Variants in SPINT1 observed in about 807,000 individuals in gnomAD.
SPINT1 encodes the protein serine peptidase inhibitor, Kunitz type 1.
SPINT1 carries 38 observed loss-of-function variants against 53.7 expected under a neutral mutation model. The ratio of observed to expected loss-of-function variants is 0.71; its 90% CI spans 0.55 to 0.93. SPINT1 has a LOEUF of 0.93. SPINT1 is among the 40% of genes least tolerant of loss of function. The pLI, the probability that SPINT1 is intolerant of heterozygous loss-of-function variation, is 0.00. For synonymous variants in SPINT1, 283 were observed against 280.6 expected (o/e 1.01, Z -0.08); for missense variants, 645 against 692.9 (o/e 0.93, Z 0.78).
intron 2 of SPINT1, among the ~76,000 whole-genome samples, chr15:40,852,531 C>T (rs529803091): frequency 4.6e-5 from 7 of 152,106 alleles, no homozygotes; most frequent in East Asian, 3.9e-4. Flanking sequence ...CAAGGAAGGG[C>T]GTGGCTCCCG....
At position 40,844,523 on chromosome 15, in the gene SPINT1, C is replaced by T. The variant is rs772897453; in HGVS notation, c.-32C>T. 3.7e-6 allele frequency: 6 copies of T among 1,604,082 alleles called. No homozygotes were observed. The highest frequency in any genetic ancestry group is 5.1e-6 in the Non-Finnish European group (6 of 1,173,616). The stretch of plus-strand genomic sequence containing the variant: ...CACCCTCGGAACCCAGAGGCCCGCG[C>T]TCTGAAGGTGACCCCCCTGGGGAGG... On this transcript the variant is annotated 5_prime_UTR_variant, in exon 2 of 11. Transcript: ENST00000562057. The surrounding 1 kb of genome is among the most constrained non-coding windows in gnomAD (Gnocchi z 5.8).
intron 5 of SPINT1, 41 bp from the exon 6 acceptor site, chr15:40,854,019 G>A: frequency 6.4e-7 from 1 of 1,570,918 alleles, no homozygotes. Context: ...CCCCACTGGA[G>A]CCTGGTCATG....
At chr15:40,855,816 C>T (rs1891615344) in intron 8 of SPINT1, 76 bp from the exon 9 acceptor site, 1 of 1,510,310 alleles carries the variant, frequency 6.6e-7, no homozygotes, top group Non-Finnish European at 9.0e-7. Context: ...TGCTGGGCAG[C>T]AGCCACGTGG....
chr15:40,846,457 A>G (rs890344531), intron 2 of SPINT1, among the ~76,000 whole-genome samples: 116 of 152,336 alleles, frequency 7.6e-4, no homozygotes, highest in African/African-American at 2.7e-3. Flanking sequence ...TTAGATTAGG[A>G]AACTAAGACT....
chr15:40,850,906 C>A (rs1458389367), intron 2 of SPINT1, among the ~76,000 whole-genome samples: 1 of 152,196 alleles, frequency 6.6e-6, no homozygotes, highest in African/African-American at 2.4e-5. Context: ...ACTCCTGGAC[C>A]TCTGTCATGT....
chr15:40,853,194 G>A lies in SPINT1; in HGVS notation c.546G>A (p.Lys182=), dbSNP rs763597848. 2 of 1,614,230 alleles carry A rather than the reference G, an allele frequency of 1.2e-6. No homozygotes were observed. The highest frequency in any genetic ancestry group is 1.7e-6 in the Non-Finnish European group (2 of 1,180,030). ...AACCCCAGGAACCCCTGGTGCTGAA[G>A]GATGTGGAAAACACAGATTGGCGCC... ...KVQPQEPLVL[K]DVENTDWRLL... The change falls in exon 3 of 11, where the codon AAG becomes AAA. Residue 182 remains lysine, a synonymous_variant. Transcript: ENST00000562057.
At chr15:40,856,607 T>C (rs1400108615) in intron 10 of SPINT1, among the ~76,000 whole-genome samples, 163 bp from the exon 11 acceptor site, 1 of 152,166 alleles carries the variant, frequency 6.6e-6, no homozygotes, top group African/African-American at 2.4e-5. Flanking sequence ...TCTGAGCTCC[T>C]GGACAGAGCT....
chr15:40,849,849 G>A (rs905964227), intron 2 of SPINT1, among the ~76,000 whole-genome samples: 1 of 81,866 alleles, frequency 1.2e-5, no homozygotes, highest in Non-Finnish European at 3.7e-5. Flanking sequence ...GACTCCAGGG[G>A]TCAATAAACT....
At chr15:40,846,558 G>C (rs566229802) in intron 2 of SPINT1, among the ~76,000 whole-genome samples, 47 of 152,288 alleles carry the variant, frequency 3.1e-4, no homozygotes, top group African/African-American at 1.1e-3. Flanking sequence ...AAAGTCCTGT[G>C]CTGTTTTTCA....
In SPINT1 at chr15:40,856,286, G is replaced by C; in HGVS notation, c.1299G>C (p.Val433=). The C allele has an allele frequency of 6.2e-7, 1 of 1,614,184 alleles. No homozygotes were observed. Among genetic ancestry groups the C allele is most frequent in the Non-Finnish European group, 8.5e-7 (1 of 1,180,026 alleles). The change falls in exon 10 of 11, where the codon GTG becomes GTC. Residue 433 remains valine, a synonymous_variant. Transcript: ENST00000562057. Reference sequence around the variant, plus strand: ...CTCATCATTCTGCAGAGAAGGATGTGTTTGGCCTGAGGCGGGAAATCCCCA... The same window carrying C: ...CTCATCATTCTGCAGAGAAGGATGTCTTTGGCCTGAGGCGGGAAATCCCCA... The part of the protein sequence containing the change: ...ESCRGISKKD[V]FGLRREIPIP...
intron 3 of SPINT1, 103 bp downstream of exon 3, chr15:40,853,354 T>G (rs1012903349): frequency 1.3e-6 from 2 of 1,599,750 alleles, no homozygotes; most frequent in African/African-American, 2.7e-5. Flanking sequence ...TGGGATGGGG[T>G]GGAGAGAGGC....
intron 9 of SPINT1, 82 bp from the exon 10 acceptor site, chr15:40,856,194 A>G (rs1891636096): frequency 1.3e-6 from 2 of 1,598,402 alleles, no homozygotes; most frequent in Non-Finnish European, 1.7e-6. Flanking sequence ...AGAGGATGCC[A>G]GTGTGAGGTC....
At position 40,846,878 on chromosome 15, in the gene SPINT1, C is replaced by T. The variant is rs78643367; in HGVS notation, c.475+1849C>T. ...CATATCTGAGGGCCAGTCTGGGCCA[C>T]CAAGTCCCACTGAACCAGGGCTGCA... On this transcript the variant is annotated intron_variant, in intron 2 of 10. Coordinates refer to ENST00000562057, the MANE Select transcript of SPINT1 (RefSeq NM_003710.4). Among the ~76,000 whole-genome samples, 1,988 of 152,282 alleles carry T rather than the reference C, an allele frequency of 0.013. 100 individuals are homozygous for T. The East Asian group carries it at 0.17, about 13-fold the overall frequency.
chr15:40,852,277 T>G (rs1030059413), intron 2 of SPINT1, among the ~76,000 whole-genome samples: 1 of 152,238 alleles, frequency 6.6e-6, no homozygotes, highest in African/African-American at 2.4e-5. Context: ...AAAGATACTT[T>G]GTCGTTGGAT....
At chr15:40,854,546 G>A (rs779158560) in intron 7 of SPINT1, 24 bp downstream of exon 7, 3 of 1,613,702 alleles carry the variant, frequency 1.9e-6, no homozygotes, top group East Asian at 2.2e-5. Context: ...GATAGAGGGG[G>A]TTGGGCAGCA....
In SPINT1 at chr15:40,852,987, A is replaced by G. The variant is rs572926145; in HGVS notation, c.476-137A>G. ...GAAGCTGGTTCTGTTGGGGGCTCCC[A>G]CCCGCACCCCATGCAGGCTGTGGAG... On this transcript the variant is annotated intron_variant, in intron 2 of 10. Coordinates refer to ENST00000562057, the MANE Select transcript of SPINT1 (RefSeq NM_003710.4). 3.6e-6 allele frequency: 4 copies of G among 1,096,244 alleles called. No individual in the cohort carries two copies. The South Asian group carries it at 6.6e-5, about 18-fold the overall frequency. 67.9% of individuals were successfully genotyped at this position (1,096,244 alleles called of 1,614,324 possible). A position where few individuals can be genotyped will look rare whatever the true frequency, so the allele number is the denominator to read the frequency against.
chr15:40,849,657 G>A (rs1019731167), intron 2 of SPINT1, among the ~76,000 whole-genome samples: 2 of 152,206 alleles, frequency 1.3e-5, no homozygotes, highest in Non-Finnish European at 2.9e-5. Flanking sequence ...ATAACCTATA[G>A]AATTACGTTT....
intron 2 of SPINT1, among the ~76,000 whole-genome samples, chr15:40,852,504 C>T (rs1478290294): frequency 6.6e-6 from 1 of 152,164 alleles, no homozygotes; most frequent in East Asian, 1.9e-4. Flanking sequence ...AAGCCTCAGA[C>T]ACAGGCACTG....
chr15:40,856,150 C>T, intron 9 of SPINT1, 88 bp downstream of exon 9: 1 of 1,590,494 alleles, frequency 6.3e-7, no homozygotes, highest in Non-Finnish European at 8.6e-7. Context: ...GGGAGTCACC[C>T]CTCCATCCTC....
Sources: allele counts gnomAD v4.1 joint callset (sites outside exome capture counted in the v4.1 genomes callset), GRCh38; gene constraint gnomAD v4.1.1; non-coding constraint Gnocchi (gnomAD v3.1); transcripts MANE v1.5; gene names NCBI Gene and HGNC (gene_info 2026-07-23, HGNC 2026-07-21).